CTTNBP2NL: variants seen among roughly 807,000 people sequenced by gnomAD.
The protein encoded by CTTNBP2NL is CTTNBP2 N-terminal-like protein.
A neutral mutation model predicts 32.5 loss-of-function variants in CTTNBP2NL; 16 were observed. The observed-to-expected ratio is 0.49, with a 90% CI of 0.33 to 0.75. The LOEUF is 0.75. Ranked by LOEUF, CTTNBP2NL falls within the 30% of genes least tolerant of loss-of-function variation. The pLI, the probability that CTTNBP2NL is intolerant of heterozygous loss-of-function variation, is 0.02. For synonymous variants in CTTNBP2NL, 298 were observed against 289.4 expected, an observed-to-expected ratio of 1.03 and a Z score of -0.30; for missense variants, 645 against 756.0, an observed-to-expected ratio of 0.85 and a Z score of 1.72.
chr1:112,421,102 C>T (rs1649214518), intron 3 of CTTNBP2NL, among the ~76,000 whole-genome samples: 2 of 152,046 alleles, frequency 1.3e-5, no homozygotes, highest in South Asian at 4.1e-4. Context: ...GTTCAAAGTC[C>T]ATCCATCCAT....
chr1:112,404,327 G>A (rs1472544400), intron 1 of CTTNBP2NL, among the ~76,000 whole-genome samples: 3 of 152,114 alleles, frequency 2.0e-5, no homozygotes, highest in East Asian at 1.9e-4. Flanking sequence ...ACAACATCAC[G>A]AGTTTTATTT....
At chr1:112,421,301 A>ATGTCT (rs1649220866) in intron 3 of CTTNBP2NL, among the ~76,000 whole-genome samples, 1 of 119,652 alleles carries the variant, frequency 8.4e-6, no homozygotes, top group South Asian at 2.8e-4. Flanking sequence ...TGAGACCCCC[A>ATGTCT]TTTCTTTTCT....
At chr1:112,440,598 T>G (rs1031589718) in intron 3 of CTTNBP2NL, among the ~76,000 whole-genome samples, 1 of 152,220 alleles carries the variant, frequency 6.6e-6, no homozygotes, top group Admixed American at 6.5e-5. Flanking sequence ...TTATTCTGTT[T>G]TGTTTCATTT....
At chr1:112,409,970 G>A (rs926590761) in intron 1 of CTTNBP2NL, among the ~76,000 whole-genome samples, 1 of 152,212 alleles carries the variant, frequency 6.6e-6, no homozygotes, top group Non-Finnish European at 1.5e-5. Context: ...GTTGGCACAA[G>A]AAAGTTCATC....
intron 3 of CTTNBP2NL, among the ~76,000 whole-genome samples, chr1:112,436,181 T>C (rs1481206765): frequency 1.3e-5 from 2 of 152,130 alleles, no homozygotes; most frequent in Non-Finnish European, 2.9e-5. Flanking sequence ...GTGGTAACTT[T>C]GAGTTCTTTA....
intron 3 of CTTNBP2NL, among the ~76,000 whole-genome samples, chr1:112,440,413 A>G (rs1649862062): frequency 6.6e-6 from 1 of 152,204 alleles, no homozygotes; most frequent in African/African-American, 2.4e-5. Context: ...TAGATTCAGG[A>G]TTCAGATTTC....
intron 3 of CTTNBP2NL, among the ~76,000 whole-genome samples, chr1:112,430,482 C>T (rs1429706537): frequency 2.0e-5 from 3 of 151,588 alleles, no homozygotes; most frequent in African/African-American, 7.3e-5. Flanking sequence ...AAGTGATCCA[C>T]CCGCCTCGGC....
At chr1:112,418,328 A>T (rs1233758254) in intron 3 of CTTNBP2NL, among the ~76,000 whole-genome samples, 3 of 152,004 alleles carry the variant, frequency 2.0e-5, no homozygotes, top group African/African-American at 7.2e-5. Flanking sequence ...TTGCAGCTAT[A>T]CTCTTCTAGA....
chr1:112,406,934 GTTGGCAGTATTGAATAAAC>G lies in CTTNBP2NL; in HGVS notation c.-133-5259_-133-5241del, dbSNP rs1648683159. 2.0e-5 allele frequency among the ~76,000 whole-genome samples: 3 copies of G among 152,170 alleles called. No individual in the cohort carries two copies. In the South Asian group the frequency reaches 6.2e-4, roughly 32 times the overall value. On this transcript the variant is annotated intron_variant, in intron 1 of 5. Transcript: ENST00000271277. The stretch of plus-strand genomic sequence containing the variant: ...TCTTGAGGCCTGCTTCAAAGTCTAT[GTTGGCAGTATTGAATAAAC>G]AAGCATCTTGATCCCTTGGCACCAT...
rs770003490 is a variant in CTTNBP2NL at position 112,457,210 on chromosome 1, G to A, written c.1718G>A (p.Arg573Lys). The A allele has an allele frequency of 1.9e-6, 3 of 1,614,072 alleles. No individual in the cohort carries two copies. In the Middle Eastern group the frequency reaches 4.9e-4, roughly 266 times the overall value. ...GGAATCAAGTCCCCAACCATCCCCA[G>A]AGCTGAGAGAGGAAACCCTCCACCC... The part of the protein sequence containing the change: ...SPGIKSPTIP[R>K]AERGNPPPIP... Residue 573 changes from arginine to lysine, a missense_variant, in exon 6 of 6, where the codon AGA becomes AAA. Transcript: ENST00000271277.
At chr1:112,452,645 C>CTTTT (rs34842059) in intron 4 of CTTNBP2NL, among the ~76,000 whole-genome samples, 2 of 133,094 alleles carry the variant, frequency 1.5e-5, no homozygotes, top group African/African-American at 6.2e-5. Flanking sequence ...CTCCTGGCCT[C>CTTTT]TTTTTTTTTT....
At chr1:112,431,566 C>G (rs775757118) in intron 3 of CTTNBP2NL, among the ~76,000 whole-genome samples, 3 of 152,130 alleles carry the variant, frequency 2.0e-5, no homozygotes, top group Non-Finnish European at 4.4e-5. Flanking sequence ...CAAAACAGTT[C>G]TCTCACATAT....
intron 1 of CTTNBP2NL, among the ~76,000 whole-genome samples, chr1:112,411,751 CG>C (rs1367301014): frequency 1.3e-5 from 2 of 151,302 alleles, no homozygotes; most frequent in Non-Finnish European, 2.9e-5. Context: ...GGCACAATCT[CG>C]GCTCACTACA....
intron 1 of CTTNBP2NL, among the ~76,000 whole-genome samples, chr1:112,403,401 A>T (rs1195405749): frequency 9.1e-6 from 1 of 109,402 alleles, no homozygotes; most frequent in African/African-American, 5.9e-5. Context: ...GCATTTTTTC[A>T]GTATCTGAAC....
At chr1:112,404,026 A>C (rs1029564394) in intron 1 of CTTNBP2NL, among the ~76,000 whole-genome samples, 1 of 152,256 alleles carries the variant, frequency 6.6e-6, no homozygotes. Flanking sequence ...AACTCATTTA[A>C]ACCATGCAGC....
At position 112,456,786 on chromosome 1, in the gene CTTNBP2NL, G is replaced by A. The variant is rs939783430; in HGVS notation, c.1294G>A (p.Val432Ile). 2 of 1,614,016 alleles carry A rather than the reference G, an allele frequency of 1.2e-6. No homozygotes were observed. The highest frequency in any genetic ancestry group is 1.7e-5 in the Admixed American group (1 of 60,006). ...SLTSSPCSSP[V>I]LTKRLLGSSA... is the part of the protein sequence containing the mutation. The stretch of plus-strand genomic sequence containing the variant: ...AACATCCTCTCCTTGCTCTTCGCCG[G>A]TACTCACTAAGCGTTTATTGGGGTC... The change falls in exon 6 of 6, where the codon GTA becomes ATA. Residue 432 changes from valine to isoleucine, a missense_variant. Physicochemically the swap from Val to Ile is conservative, Grantham distance 29 (BLOSUM62 3). Transcript: ENST00000271277.
At chr1:112,409,826 A>G (rs1460338346) in intron 1 of CTTNBP2NL, among the ~76,000 whole-genome samples, 12 of 152,216 alleles carry the variant, frequency 7.9e-5, no homozygotes, top group Admixed American at 7.9e-4. Context: ...GATAGTATCC[A>G]GAGAGGGGAA....
chr1:112,408,028 G>A (rs975950507), intron 1 of CTTNBP2NL, among the ~76,000 whole-genome samples: 3 of 151,014 alleles, frequency 2.0e-5, no homozygotes, highest in Non-Finnish European at 4.4e-5. Flanking sequence ...TGCATTTTTT[G>A]TAGGGACAGG....
At chr1:112,417,398 C>T (rs986713362) in intron 3 of CTTNBP2NL, among the ~76,000 whole-genome samples, 1 of 152,214 alleles carries the variant, frequency 6.6e-6, no homozygotes, top group African/African-American at 2.4e-5. Context: ...TTCTTATGTA[C>T]TCTGCAGCAC....
Sources: allele counts gnomAD v4.1 joint callset (sites outside exome capture counted in the v4.1 genomes callset), GRCh38; gene constraint gnomAD v4.1.1; transcripts MANE v1.5; gene names NCBI Gene and HGNC (gene_info 2026-07-23, HGNC 2026-07-21).